GNAS-AS1: variants seen among roughly 807,000 people sequenced by gnomAD.
The protein encoded by GNAS-AS1 is GNAS antisense RNA 1 (non-protein coding).
chr20:58,827,278 C>T (rs2085527276), intron 4 of GNAS-AS1, among the ~76,000 whole-genome samples: 1 of 152,214 alleles, frequency 6.6e-6, no homozygotes, highest in Admixed American at 6.5e-5. Flanking sequence ...TCCATGCCCT[C>T]TCTCCTGACT....
At chr20:58,825,588 A>C in intron 4 of GNAS-AS1, among the ~76,000 whole-genome samples, 1 of 152,276 alleles carries the variant, frequency 6.6e-6, no homozygotes, top group East Asian at 1.9e-4. Flanking sequence ...CTTAGAGAGA[A>C]GTGTGAAGTG....
chr20:58,831,014 C>T (rs376066696), intron 4 of GNAS-AS1, among the ~76,000 whole-genome samples: 7 of 152,252 alleles, frequency 4.6e-5, no homozygotes, highest in East Asian at 3.9e-4. Context: ...CAGAGGACAA[C>T]GCAAGGCATA....
chr20:58,839,006 C>A (rs554821592), intron 4 of GNAS-AS1: 1 of 398,066 alleles, frequency 2.5e-6, no homozygotes, highest in Non-Finnish European at 4.4e-6. Flanking sequence ...AACTGCCCCG[C>A]AGGAGAGAAG....
At chr20:58,827,001 C>G (rs1210463025) in intron 4 of GNAS-AS1, 1 of 151,514 alleles carries the variant, frequency 6.6e-6, no homozygotes, top group Non-Finnish European at 1.5e-5. Context: ...TGTGAGGCAC[C>G]GCACCTGGCT....
chr20:58,819,029 A>C (rs900073252), exon 5 of GNAS-AS1: 5 of 398,568 alleles, frequency 1.3e-5, no homozygotes, highest in Non-Finnish European at 2.2e-5. Flanking sequence ...CCTGCAGAGC[A>C]GCCAGTTCCC....
chr20:58,838,332 A>T (rs550568422), intron 4 of GNAS-AS1, among the ~76,000 whole-genome samples: 1 of 152,100 alleles, frequency 6.6e-6, no homozygotes, highest in Non-Finnish European at 1.5e-5. Context: ...TATTTACTCC[A>T]AATCTTCAGC....
In GNAS-AS1 at chr20:58,840,161, G is replaced by C; in HGVS notation, n.819+1776C>G. The C allele has an allele frequency of 1.2e-6, 2 of 1,611,714 alleles. No homozygotes were observed. The highest frequency in any genetic ancestry group is 1.7e-6 in the Non-Finnish European group (2 of 1,179,990). Reference sequence around the variant, plus strand: ...GCGCCGAGCTCGCCATAATTACAACGACCTGTGCCCGCCCATAGGCCGCCG... The same window carrying C: ...GCGCCGAGCTCGCCATAATTACAACCACCTGTGCCCGCCCATAGGCCGCCG... On this transcript the variant is annotated intron_variant and non_coding_transcript_variant, in intron 4 of 4. Coordinates refer to ENST00000424094, the Ensembl canonical transcript of GNAS-AS1. This position sits in a 1 kb window ranked among gnomAD's most constrained non-coding sequence, Gnocchi z 6.0.
At chr20:58,820,485 G>A (rs2085478637) in intron 4 of GNAS-AS1, among the ~76,000 whole-genome samples, 1 of 152,244 alleles carries the variant, frequency 6.6e-6, no homozygotes, top group Admixed American at 6.5e-5. Context: ...AAGGGCCAAG[G>A]AAGATTCCAG....
rs1600661331 is a variant in GNAS-AS1 at position 58,841,793 on chromosome 20, G to A, written n.819+144C>T. 1.6e-6 allele frequency: 2 copies of A among 1,230,758 alleles called. No homozygotes were observed. The highest frequency in any genetic ancestry group is 3.2e-5 in the East Asian group (1 of 31,692). The allele number at this position is 1,230,758 out of a possible 1,614,324, so 76.2% of individuals were successfully genotyped here. ...TTTGGCGCAGCTGGTCGGGTGGCCA[G>A]GCTGCATGCGGCTTAGCAGGAGACG... On this transcript the variant is annotated intron_variant and non_coding_transcript_variant, in intron 4 of 4. Transcript: ENST00000424094. This position sits in a 1 kb window ranked among gnomAD's most constrained non-coding sequence, Gnocchi z 5.0.
intron 4 of GNAS-AS1, among the ~76,000 whole-genome samples, chr20:58,822,734 C>T (rs1396484818): frequency 6.6e-6 from 1 of 152,156 alleles, no homozygotes; most frequent in Non-Finnish European, 1.5e-5. Context: ...TTAATTCTCT[C>T]CTGGCCCCTT....
intron 4 of GNAS-AS1, among the ~76,000 whole-genome samples, chr20:58,820,617 G>A (rs1025100257): frequency 6.6e-6 from 1 of 152,208 alleles, no homozygotes; most frequent in African/African-American, 2.4e-5. Context: ...CTGAGACTGG[G>A]CAATTTACAA....
At chr20:58,820,972 C>T (rs2085482615) in intron 4 of GNAS-AS1, among the ~76,000 whole-genome samples, 1 of 152,204 alleles carries the variant, frequency 6.6e-6, no homozygotes, top group African/African-American at 2.4e-5. Context: ...CCCCAGCTAC[C>T]CAATGTGGGG....
At chr20:58,845,071 C>T (rs1236016921) in intron 2 of GNAS-AS1, among the ~76,000 whole-genome samples, 2 of 151,924 alleles carry the variant, frequency 1.3e-5, no homozygotes, top group East Asian at 3.9e-4. Flanking sequence ...TGTCCCTGAC[C>T]TTGGTGTCTA....
intron 4 of GNAS-AS1, among the ~76,000 whole-genome samples, chr20:58,829,640 A>T (rs1285269406): frequency 1.3e-5 from 2 of 152,066 alleles, no homozygotes; most frequent in African/African-American, 4.8e-5. Flanking sequence ...GCTACTCCTC[A>T]ACTTGGAACT....
rs1262623594 is a variant in GNAS-AS1 at position 58,840,521 on chromosome 20, A to T, written n.819+1416T>A. Reference sequence around the variant, plus strand: ...GACCGCCCCCACCACTGAGCCCGAGACCGAGCCTGAAGACGATCGCGGCCC... The same window carrying T: ...GACCGCCCCCACCACTGAGCCCGAGTCCGAGCCTGAAGACGATCGCGGCCC... On this transcript the variant is annotated intron_variant and non_coding_transcript_variant, in intron 4 of 4. Transcript: ENST00000424094. This position sits in a 1 kb window ranked among gnomAD's most constrained non-coding sequence, Gnocchi z 6.0. 6.2e-7 allele frequency: 1 copy of T among 1,613,448 alleles called. No individual in the cohort carries two copies. Among genetic ancestry groups the T allele is most frequent in the Non-Finnish European group, 8.5e-7 (1 of 1,179,984 alleles).
chr20:58,841,961 C>G lies in GNAS-AS1; in HGVS notation n.795G>C, dbSNP rs1600662069. The G allele has an allele frequency of 1.8e-6, 2 of 1,116,242 alleles. No individual in the cohort carries two copies. The highest frequency in any genetic ancestry group is 4.5e-5 in the South Asian group (1 of 22,082). 69.1% of individuals were successfully genotyped at this position (1,116,242 alleles called of 1,614,324 possible). ...CAATTCGTTTCCAAAGAGCGCGGTA[C>G]GCGCAGAGCTGGGGAAAGGTGTTGG... On this transcript the variant is annotated non_coding_transcript_exon_variant, in exon 4 of 5. Coordinates refer to ENST00000424094, the Ensembl canonical transcript of GNAS-AS1. This position sits in a 1 kb window ranked among gnomAD's most constrained non-coding sequence, Gnocchi z 5.0.
chr20:58,828,765 G>C (rs557620430), intron 4 of GNAS-AS1, among the ~76,000 whole-genome samples: 3 of 152,136 alleles, frequency 2.0e-5, no homozygotes, highest in Non-Finnish European at 2.9e-5. Flanking sequence ...ACCTTGTCAC[G>C]TGCAGCCTAA....
At chr20:58,848,911 C>A (rs1248873841) in exon 2 of GNAS-AS1, 2 of 398,350 alleles carry the variant, frequency 5.0e-6, no homozygotes, top group Non-Finnish European at 8.8e-6. Context: ...AGTCTGGTAG[C>A]CAGTCACTAC....
chr20:58,828,035 T>C (rs941485491), intron 4 of GNAS-AS1, among the ~76,000 whole-genome samples: 1 of 152,136 alleles, frequency 6.6e-6, no homozygotes, highest in Non-Finnish European at 1.5e-5. Flanking sequence ...TCGAGAAAAA[T>C]GAACTTCCCT....
Sources: allele counts gnomAD v4.1 joint callset (sites outside exome capture counted in the v4.1 genomes callset), GRCh38; gene constraint gnomAD v4.1.1; non-coding constraint Gnocchi (gnomAD v3.1); transcripts MANE v1.5; gene names NCBI Gene and HGNC (gene_info 2026-07-23, HGNC 2026-07-21).